Variants in BMERB1 observed in about 807,000 individuals in gnomAD.
BMERB1 encodes bMERB domain-containing protein 1.
In BMERB1, 12 loss-of-function variants were observed where a neutral mutation model predicts 23.6. The ratio of observed to expected loss-of-function variants is 0.51; its 90% CI spans 0.33 to 0.82. The LOEUF is 0.82. Among genes scored for constraint, BMERB1 ranks in the 40% least tolerant of loss-of-function variants. BMERB1 has a pLI of 0.03. For synonymous variants in BMERB1, 122 were observed against 96.6 expected, an observed-to-expected ratio of 1.26 and a Z score of -1.54; for missense variants, 247 against 255.4, an observed-to-expected ratio of 0.97 and a Z score of 0.22.
intron 2 of BMERB1, among the ~76,000 whole-genome samples, chr16:15,525,704 C>G (rs551701180): frequency 7.7e-6 from 1 of 130,162 alleles, no homozygotes; most frequent in Non-Finnish European, 1.5e-5. Flanking sequence ...GATCCCATCT[C>G]AGAAAAAAAA....
chr16:15,569,498 A>C (rs796896332), intron 3 of BMERB1, among the ~76,000 whole-genome samples: 2 of 152,188 alleles, frequency 1.3e-5, no homozygotes, highest in African/African-American at 2.4e-5. Flanking sequence ...CTAAACCATC[A>C]TGAGAAACCT....
chr16:15,448,809 CAA>C (rs1380656421), intron 1 of BMERB1, among the ~76,000 whole-genome samples: 1 of 151,980 alleles, frequency 6.6e-6, no homozygotes, highest in African/African-American at 2.4e-5. Context: ...ACTGAAAAAA[CAA>C]AGAGTTGTTC....
intron 1 of BMERB1, among the ~76,000 whole-genome samples, chr16:15,474,370 A>T (rs116898053): frequency 6.6e-6 from 1 of 152,026 alleles, no homozygotes; most frequent in East Asian, 1.9e-4. Flanking sequence ...ATTAATTTTT[A>T]TTTATTTATT....
intron 1 of BMERB1, among the ~76,000 whole-genome samples, chr16:15,498,995 A>G (rs1352766736): frequency 6.6e-6 from 1 of 152,274 alleles, no homozygotes; most frequent in Non-Finnish European, 1.5e-5. Context: ...TCCTGCACTC[A>G]GAATGAGTCT....
At chr16:15,545,472 C>G (rs1030894438) in intron 2 of BMERB1, among the ~76,000 whole-genome samples, 1 of 152,152 alleles carries the variant, frequency 6.6e-6, no homozygotes, top group South Asian at 2.1e-4. Flanking sequence ...TCTGACGCTT[C>G]TTTTGGTTAG....
intron 1 of BMERB1, among the ~76,000 whole-genome samples, chr16:15,510,365 T>G (rs1458478025): frequency 6.6e-6 from 1 of 152,312 alleles, no homozygotes; most frequent in South Asian, 2.1e-4. Flanking sequence ...TTGCCAGCGC[T>G]GAGCCTTTGT....
intron 1 of BMERB1, among the ~76,000 whole-genome samples, chr16:15,444,200 C>A (rs1324672129): frequency 7.7e-6 from 1 of 129,228 alleles, no homozygotes; most frequent in African/African-American, 2.9e-5. Context: ...GCCTGGTTCA[C>A]TTATATGAAT....
At chr16:15,541,402 C>G (rs2052077416) in intron 2 of BMERB1, among the ~76,000 whole-genome samples, 1 of 148,468 alleles carries the variant, frequency 6.7e-6, no homozygotes, top group Non-Finnish European at 1.5e-5. Context: ...GCGAGTGGGA[C>G]TGGAAGTTGC....
Position 15,515,428 on chromosome 16 carries a change from T to C in BMERB1, c.230T>C (p.Met77Thr), listed in dbSNP as rs1460173575. The change falls in exon 2 of 6, where the codon ATG becomes ACG. Residue 77 changes from methionine to threonine, a missense_variant and splice_region_variant. By Grantham distance (81) the Met-to-Thr change is moderately conservative. Transcript: ENST00000300006. Reference protein sequence around the residue: ...LVRRESELRFMMDDIQLCKDI... With the variant: ...LVRRESELRFTMDDIQLCKDI... ...CGCCGGGAGTCTGAGCTCAGGTTCA[T>C]GTGAGTGTTTTGGGGATGTGGCCAA... 3 of 1,613,160 alleles carry C rather than the reference T, an allele frequency of 1.9e-6. No individual in the cohort carries two copies. The highest frequency in any genetic ancestry group is 2.7e-5 in the African/African-American group (2 of 74,856).
intron 2 of BMERB1, among the ~76,000 whole-genome samples, chr16:15,550,037 C>T (rs1364345875): frequency 2.0e-5 from 3 of 151,970 alleles, no homozygotes; most frequent in Non-Finnish European, 4.4e-5. Flanking sequence ...GCAAGCTCCA[C>T]CTCCCGGGTT....
At chr16:15,530,930 G>A (rs1183044010) in intron 2 of BMERB1, among the ~76,000 whole-genome samples, 10 of 137,498 alleles carry the variant, frequency 7.3e-5, no homozygotes, top group African/African-American at 2.2e-4. Flanking sequence ...TTTTTGAGAC[G>A]GAGTCTCGCA....
rs372887008 is a variant in BMERB1, at chr16:15,509,329, G to GT, written c.107-5976_107-5975insT. ...AAGGTCACGTGGTTGTGGAGTGGAA[G>GT]GGGGGTGGGGGGGGAGAGAGAGAGC... On this transcript the variant is annotated intron_variant, in intron 1 of 5. Transcript: ENST00000300006. 4.9e-5 allele frequency among the ~76,000 whole-genome samples: 4 copies of GT among 81,956 alleles called. No homozygotes were observed. In the African/African-American group the frequency reaches 5.8e-4, roughly 12 times the overall value. 53.8% of individuals were successfully genotyped at this position (81,956 alleles called of 152,430 possible). A position where few individuals can be genotyped will look rare whatever the true frequency, so the allele number is the denominator to read the frequency against.
intron 1 of BMERB1, among the ~76,000 whole-genome samples, chr16:15,460,504 C>G (rs2051125316): frequency 6.6e-6 from 1 of 152,136 alleles, no homozygotes; most frequent in African/African-American, 2.4e-5. Context: ...TAAGACATTA[C>G]TCATTATCGG....
chr16:15,578,251 A>G (rs2030921843), intron 3 of BMERB1, among the ~76,000 whole-genome samples: 1 of 144,376 alleles, frequency 6.9e-6, no homozygotes. Context: ...TTTCTAAAAG[A>G]CAGGGTCTGG....
intron 1 of BMERB1, among the ~76,000 whole-genome samples, chr16:15,513,236 A>G (rs535179931): frequency 2.0e-5 from 3 of 152,330 alleles, no homozygotes; most frequent in East Asian, 3.9e-4. Flanking sequence ...TCACTGGAAC[A>G]TTCTTACGGT....
At chr16:15,574,550 T>A (rs1334445018) in intron 3 of BMERB1, among the ~76,000 whole-genome samples, 1 of 151,990 alleles carries the variant, frequency 6.6e-6, no homozygotes, top group African/African-American at 2.4e-5. Context: ...GTCAGATCTC[T>A]TTCACTGTCT....
chr16:15,532,381 G>T (rs1259101026), intron 2 of BMERB1, among the ~76,000 whole-genome samples: 1 of 151,548 alleles, frequency 6.6e-6, no homozygotes, highest in Non-Finnish European at 1.5e-5. Flanking sequence ...ACAGGCACCC[G>T]CCACTGCTCC....
intron 5 of BMERB1, among the ~76,000 whole-genome samples, chr16:15,584,488 G>C (rs2031092712): frequency 6.7e-6 from 1 of 149,680 alleles, no homozygotes; most frequent in Admixed American, 6.6e-5. Flanking sequence ...AACTGGGGAG[G>C]CGGAGCTTGC....
intron 3 of BMERB1, among the ~76,000 whole-genome samples, chr16:15,573,561 A>G (rs528149934): frequency 2.0e-5 from 3 of 152,126 alleles, no homozygotes; most frequent in Non-Finnish European, 4.4e-5. Context: ...GAGCCACTTT[A>G]TCTGGGTGGT....
Sources: allele counts gnomAD v4.1 joint callset (sites outside exome capture counted in the v4.1 genomes callset), GRCh38; gene constraint gnomAD v4.1.1; transcripts MANE v1.5; gene names NCBI Gene and HGNC (gene_info 2026-07-23, HGNC 2026-07-21).